CLCN7: variants seen among roughly 807,000 people sequenced by gnomAD.
CLCN7 encodes Cl-/H+ antiporter 7.
CLCN7 carries 60 observed loss-of-function variants against 102.1 expected under a neutral mutation model. The ratio of observed to expected loss-of-function variants is 0.59; its 90% CI spans 0.48 to 0.73. The LOEUF (loss-of-function observed/expected upper bound fraction) is 0.73. CLCN7 is among the 30% of genes least tolerant of loss of function. The pLI is 0.00. For synonymous variants in CLCN7, 560 were observed against 490.5 expected (o/e 1.14, Z -1.87); for missense variants, 962 against 1,125.7 (o/e 0.85, Z 2.08).
At chr16:1,448,121 T>C (rs948414664) in intron 21 of CLCN7, among the ~76,000 whole-genome samples, 1 of 152,082 alleles carries the variant, frequency 6.6e-6, no homozygotes, top group African/African-American at 2.4e-5. Context: ...GTGCCACGGC[T>C]CTCAGCCCAG....
At chr16:1,474,477 CAGAA>C (rs2039123536) in intron 1 of CLCN7, 3 of 342,926 alleles carry the variant, frequency 8.7e-6, no homozygotes, top group Non-Finnish European at 1.7e-5. Context: ...GTCACCTGAA[CAGAA>C]AGCCACTTGC....
rs1158843661 is a variant in CLCN7, at chr16:1,447,483, G to T, written c.2159C>A (p.Pro720His). 1 of 1,553,326 alleles carries T rather than the reference G, an allele frequency of 6.4e-7. No homozygotes were observed. The highest frequency in any genetic ancestry group is 8.7e-7 in the Non-Finnish European group (1 of 1,148,630). Residue 720 changes from proline (P) to histidine (H), a missense_variant, in exon 23 of 25, where the codon CCC becomes CAC. Pro to His is a moderately conservative substitution (Grantham distance 77, BLOSUM62 -2). This residue lies in a region of CLCN7 where 799 missense variants were observed against 988.0 expected (regional missense o/e 0.81). Transcript: ENST00000382745. Reference protein sequence around the residue: ...DFRDAYPRFPPIQSIHVSQDE... With the variant: ...DFRDAYPRFPHIQSIHVSQDE... ...CTGGGACACGTGGATGGACTGGATG[G>T]GTGGGAAGCGCGGGTAGGCGTCTCG...
intron 21 of CLCN7, 103 bp downstream of exon 21, chr16:1,448,252 A>C: frequency 2.0e-6 from 3 of 1,491,726 alleles, no homozygotes; most frequent in Non-Finnish European, 2.8e-6. Flanking sequence ...CAGTGCACCC[A>C]AACGTGCAGC....
intron 16 of CLCN7, among the ~76,000 whole-genome samples, chr16:1,450,984 G>C (rs1420447830): frequency 6.6e-6 from 1 of 152,268 alleles, no homozygotes; most frequent in East Asian, 1.9e-4. Flanking sequence ...TGTGCACCGT[G>C]GTGCAGCTCG....
chr16:1,447,319 C>A lies in CLCN7; in HGVS notation c.2250+73G>T, dbSNP rs532411463. The A allele has an allele frequency of 9.3e-5, 134 of 1,448,482 alleles. No individual in the cohort carries two copies. The East Asian group carries it at 2.6e-3, about 28-fold the overall frequency. 89.7% of individuals were successfully genotyped at this position (1,448,482 alleles called of 1,614,324 possible). Reference sequence around the variant, plus strand: ...GCTGTGGCCCCCCCCGGCTGCCCCTCCCCGAGGCTCTGGACCCCACCCCCT... The same window carrying A: ...GCTGTGGCCCCCCCCGGCTGCCCCTACCCGAGGCTCTGGACCCCACCCCCT... On this transcript the variant is annotated intron_variant, in intron 23 of 24. Coordinates refer to ENST00000382745, the MANE Select transcript of CLCN7 (RefSeq NM_001287.6).
chr16:1,468,666 G>A (rs1023777581), intron 1 of CLCN7, among the ~76,000 whole-genome samples: 5 of 152,114 alleles, frequency 3.3e-5, no homozygotes, highest in Non-Finnish European at 5.9e-5. Flanking sequence ...CGGGCCGGAC[G>A]GGAGGCGAGG....
In CLCN7 at chr16:1,457,455, C is replaced by T. The variant is rs554909684; in HGVS notation, c.739-118G>A. Reference sequence around the variant, plus strand: ...GGCCCTTCCTGGAGACCAGAAGGACCGATGCTCAGAGACACGCGTGACGCG... The same window carrying T: ...GGCCCTTCCTGGAGACCAGAAGGACTGATGCTCAGAGACACGCGTGACGCG... On this transcript the variant is annotated intron_variant, in intron 8 of 24. Transcript: ENST00000382745. This position sits in a 1 kb window ranked among gnomAD's most constrained non-coding sequence, Gnocchi z 5.4. 73 of 618,582 alleles carry T rather than the reference C, an allele frequency of 1.2e-4. No individual in the cohort carries two copies. The highest frequency in any genetic ancestry group is 8.2e-4 in the East Asian group (30 of 36,508). 38.3% of individuals were successfully genotyped at this position (618,582 alleles called of 1,614,324 possible). A position where few individuals can be genotyped will look rare whatever the true frequency, so the allele number is the denominator to read the frequency against.
At chr16:1,460,673 G>C in intron 5 of CLCN7, 143 bp downstream of exon 5, 15 of 1,370,714 alleles carry the variant, frequency 1.1e-5, no homozygotes, top group Non-Finnish European at 1.5e-5. Context: ...ACGTCTCACG[G>C]CCCAACCATG....
intron 14 of CLCN7, among the ~76,000 whole-genome samples, chr16:1,453,347 T>C (rs1043043041): frequency 6.6e-6 from 1 of 152,156 alleles, no homozygotes; most frequent in Non-Finnish European, 1.5e-5. Context: ...GGCACCCAAA[T>C]GTCCTGGGGT....
At position 1,451,485 on chromosome 16, in the gene CLCN7, T is replaced by G. The variant is rs1192268140; in HGVS notation, c.1447+138A>C. 8.7e-6 allele frequency: 6 copies of G among 687,318 alleles called. No individual in the cohort carries two copies. In the African/African-American group the frequency reaches 1.1e-4, roughly 12 times the overall value. 42.6% of individuals were successfully genotyped at this position (687,318 alleles called of 1,614,324 possible). A position where few individuals can be genotyped will look rare whatever the true frequency, so the allele number is the denominator to read the frequency against. On this transcript the variant is annotated intron_variant, in intron 16 of 24. Coordinates refer to ENST00000382745, the MANE Select transcript of CLCN7 (RefSeq NM_001287.6). Reference sequence around the variant, plus strand: ...TCTCCAAGTGCTGGGATTACAGGAGTGAGTCCCTGCTATGATCCATGCTAG... The same window carrying G: ...TCTCCAAGTGCTGGGATTACAGGAGGGAGTCCCTGCTATGATCCATGCTAG...
In CLCN7 at chr16:1,446,181, C is replaced by G. The variant is rs567572398; in HGVS notation, c.*450G>C. The stretch of plus-strand genomic sequence containing the variant: ...GCTGAAAATGAGGCCAAGCAGCTCC[C>G]AAGTCTCGAAGACTCCACTGGTGTG... On this transcript the variant is annotated 3_prime_UTR_variant, in exon 25 of 25. Coordinates refer to ENST00000382745, the MANE Select transcript of CLCN7 (RefSeq NM_001287.6). 6 of 607,688 alleles carry G rather than the reference C, an allele frequency of 9.9e-6. No individual in the cohort carries two copies. The highest frequency in any genetic ancestry group is 5.5e-5 in the East Asian group (2 of 36,588). 37.6% of individuals were successfully genotyped at this position (607,688 alleles called of 1,614,324 possible). A position where few individuals can be genotyped will look rare whatever the true frequency, so the allele number is the denominator to read the frequency against.
Position 1,451,735 on chromosome 16 carries a change from G to C in CLCN7, c.1354-19C>G, listed in dbSNP as rs1205975431. On this transcript the variant is annotated intron_variant, in intron 15 of 24. Transcript: ENST00000382745. Reference sequence around the variant, plus strand: ...AAAAGAGCTGTGGGGTCGGGAGAGAGCACACGTTGGGAGGGGAGATGAGCT... The same window carrying C: ...AAAAGAGCTGTGGGGTCGGGAGAGACCACACGTTGGGAGGGGAGATGAGCT... The C allele has an allele frequency of 6.2e-7, 1 of 1,601,856 alleles. No homozygotes were observed. The highest frequency in any genetic ancestry group is 1.3e-5 in the African/African-American group (1 of 74,698).
chr16:1,453,959 TC>T, intron 13 of CLCN7, 65 bp from the exon 14 acceptor site: 1 of 1,535,390 alleles, frequency 6.5e-7, no homozygotes, highest in Non-Finnish European at 9.0e-7. Context: ...GCCCGCCGGC[TC>T]CCAGATGGCA....
At chr16:1,463,130 A>C (rs1049610247) in intron 2 of CLCN7, among the ~76,000 whole-genome samples, 1 of 152,178 alleles carries the variant, frequency 6.6e-6, no homozygotes, top group Non-Finnish European at 1.5e-5. Context: ...CCCTGTCTCA[A>C]AAAAAGAGAG....
chr16:1,450,448 A>T, intron 17 of CLCN7, 49 bp downstream of exon 17: 1 of 1,533,542 alleles, frequency 6.5e-7, no homozygotes, highest in Non-Finnish European at 8.9e-7. Context: ...ATGCCGCAAG[A>T]CCTGGCTCAG....
intron 1 of CLCN7, chr16:1,474,240 T>A (rs533365328): frequency 2.2e-6 from 1 of 455,428 alleles, no homozygotes; most frequent in Admixed American, 2.4e-5. Context: ...TGCCTGCACA[T>A]TGCAAATTCA....
chr16:1,474,773 G>GGAGC, intron 1 of CLCN7, 61 bp downstream of exon 1: 1 of 1,220,530 alleles, frequency 8.2e-7, no homozygotes. Context: ...GGCTCACGAG[G>GGAGC]GCGCGGGCTG....
chr16:1,465,467 GC>G (rs1185587875), intron 1 of CLCN7, 129 bp from the exon 2 acceptor site: 8 of 827,560 alleles, frequency 9.7e-6, no homozygotes, highest in Non-Finnish European at 1.4e-5. Flanking sequence ...GCTAGGCCAG[GC>G]CTGCCTGCTG....
rs758816489 is a variant in CLCN7 at position 1,447,707 on chromosome 16, C to T, written c.2021G>A (p.Arg674Gln). Residue 674 changes from arginine to glutamine, a missense_variant, in exon 22 of 25, where the codon CGG becomes CAG. Arg to Gln is a conservative substitution (Grantham distance 43). Transcript: ENST00000382745. ...GGAGCGCAGGATCAGGCCCTGGAGC[C>T]GGGCAGGCTGCAAGACAGGCCCGCG... The part of the protein sequence containing the change: ...VEHADDTQPA[R>Q]LQGLILRSQL... 9.2e-5 allele frequency: 143 copies of T among 1,553,520 alleles called. No homozygotes were observed. The highest frequency in any genetic ancestry group is 2.3e-4 in the African/African-American group (17 of 73,180).
Sources: gnomAD v4.1 joint callset for allele counts (sites outside exome capture counted in the v4.1 genomes callset) on GRCh38, gnomAD v4.1.1 for gene constraint, gnomAD v4.1.1 regional missense constraint, Gnocchi (gnomAD v3.1) non-coding constraint, MANE v1.5 for transcripts, NCBI Gene and HGNC (gene_info 2026-07-23, HGNC 2026-07-21) for gene names.